Variants in VLDLR observed in about 807,000 individuals in gnomAD.
VLDLR encodes very low density lipoprotein receptor, also known as very low-density lipoprotein receptor.
In VLDLR, 81 loss-of-function variants were observed where a neutral mutation model predicts 112.7. That is an observed-to-expected ratio of 0.72 (90% CI 0.60 to 0.86). The LOEUF is 0.86. Ranked by LOEUF, VLDLR falls within the 40% of genes least tolerant of loss-of-function variation. The pLI is 0.00. For synonymous variants in VLDLR, 436 were observed against 384.8 expected (o/e 1.13, Z -1.56); for missense variants, 1,237 against 1,099.4 (o/e 1.13, Z -1.77).
intron 1 of VLDLR, among the ~76,000 whole-genome samples, chr9:2,623,707 G>A (rs1816946239): frequency 6.6e-6 from 1 of 152,154 alleles, no homozygotes; most frequent in South Asian, 2.1e-4. Flanking sequence ...GGGCAGCATG[G>A]GCAGTGTTAT....
rs1386720772 is a variant in VLDLR at position 2,654,920 on chromosome 9, G to A, written c.*1052G>A. 2.0e-5 allele frequency: 3 copies of A among 152,194 alleles called. No homozygotes were observed. Among genetic ancestry groups the A allele is most frequent in the Non-Finnish European group, 4.4e-5 (3 of 68,066 alleles). 9.4% of individuals were successfully genotyped at this position (152,194 alleles called of 1,614,324 possible). On this transcript the variant is annotated 3_prime_UTR_variant, in exon 19 of 19. Coordinates refer to ENST00000382100, the MANE Select transcript of VLDLR (RefSeq NM_003383.5). ...TCTAGACTGTCTTACTGTGAAGATG[G>A]CCAGGGAGGATAGCAAGCAATGGCA...
intron 9 of VLDLR, 23 bp downstream of exon 9, chr9:2,645,105 G>T (rs1818010517): frequency 6.2e-7 from 1 of 1,613,840 alleles, no homozygotes; most frequent in African/African-American, 1.3e-5. Flanking sequence ...GGACTGGTAT[G>T]GCTGTTGTAC....
chr9:2,645,534 C>T (rs1818029707), intron 9 of VLDLR, 40 bp from the exon 10 acceptor site: 1 of 1,613,778 alleles, frequency 6.2e-7, no homozygotes, highest in Non-Finnish European at 8.5e-7. Context: ...ACCTTGCCTT[C>T]TTAAAGCAAA....
Position 2,635,465 on chromosome 9 carries a change from A to C in VLDLR, c.95A>C (p.Lys32Thr). 6.2e-7 allele frequency: 1 copy of C among 1,614,090 alleles called. No individual in the cohort carries two copies. The highest frequency in any genetic ancestry group is 1.1e-5 in the South Asian group (1 of 91,074). The change falls in exon 2 of 19, where the codon AAA becomes ACA. Residue 32 changes from lysine (K) to threonine (T), a missense_variant. Lys to Thr is a moderately conservative substitution (Grantham distance 78). Coordinates refer to ENST00000382100, the MANE Select transcript of VLDLR (RefSeq NM_003383.5). ...SGATGTGRKA[K>T]CEPSQFQCTN... ...CTTCTTATTCTAGGGAGAAAAGCCA[A>C]ATGTGAACCCTCCCAATTCCAGTGC...
chr9:2,656,483 C>T lies in VLDLR; in HGVS notation c.*2615C>T, dbSNP rs1818612920. 1 of 152,052 alleles carries T rather than the reference C, an allele frequency of 6.6e-6. No homozygotes were observed. Among genetic ancestry groups the T allele is most frequent in the Non-Finnish European group, 1.5e-5 (1 of 68,010 alleles). The allele number at this position is 152,052 out of a possible 1,614,324, so 9.4% of individuals were successfully genotyped here. On this transcript the variant is annotated 3_prime_UTR_variant, in exon 19 of 19. Coordinates refer to ENST00000382100, the MANE Select transcript of VLDLR (RefSeq NM_003383.5). ...AAAAAATAGTTATATGACTAAACTACTAGTCAATACAGCTTGCAATAATAG... is the reference window on the plus strand; with the variant it reads ...AAAAAATAGTTATATGACTAAACTATTAGTCAATACAGCTTGCAATAATAG...
intron 18 of VLDLR, 67 bp from the exon 19 acceptor site, chr9:2,653,766 T>G (rs1818466100): frequency 1.3e-6 from 2 of 1,587,050 alleles, no homozygotes; most frequent in South Asian, 2.2e-5. Context: ...CAAGGTCCAT[T>G]TTAAAGACTA....
At chr9:2,646,954 A>G (rs1271397679) in intron 11 of VLDLR, among the ~76,000 whole-genome samples, 2 of 152,224 alleles carry the variant, frequency 1.3e-5, no homozygotes, top group Admixed American at 6.5e-5. Flanking sequence ...GATTTGGGTA[A>G]CCACATTGCA....
chr9:2,648,933 G>A (rs1021634006), intron 14 of VLDLR, 123 bp downstream of exon 14: 3 of 1,207,694 alleles, frequency 2.5e-6, no homozygotes, highest in African/African-American at 1.5e-5. Flanking sequence ...TTGCCCTCCT[G>A]TACCCTACCT....
At chr9:2,641,642 C>A in intron 4 of VLDLR, 143 bp downstream of exon 4, 1 of 1,255,748 alleles carries the variant, frequency 8.0e-7, no homozygotes, top group Non-Finnish European at 1.1e-6. Context: ...ATTACTTGTC[C>A]TTCATAACTG....
At chr9:2,622,421 C>T (rs1816849398) in intron 1 of VLDLR, 150 bp downstream of exon 1, 1 of 680,474 alleles carries the variant, frequency 1.5e-6, no homozygotes, top group African/African-American at 1.9e-5. Context: ...GTGGTGGCGC[C>T]TCTGAGCTGT....
chr9:2,647,540 T>G lies in VLDLR; in HGVS notation c.1770T>G (p.Asp590Glu), dbSNP rs776231515. 2 of 1,614,176 alleles carry G rather than the reference T, an allele frequency of 1.2e-6. No homozygotes were observed. The highest frequency in any genetic ancestry group is 1.7e-6 in the Non-Finnish European group (2 of 1,180,000). ...KIEKAGMNGF[D>E]RRPLVTADIQ... ...AAAAAGCAGGAATGAATGGATTCGA[T>G]AGACGTCCACTGGTGACAGCGGATA... Residue 590 changes from aspartate to glutamate, a missense_variant, in exon 12 of 19, where the codon GAT (aspartate) becomes GAG (glutamate). Transcript: ENST00000382100.
In VLDLR at chr9:2,653,965, C is replaced by T. The variant is rs759431817; in HGVS notation, c.*97C>T. The T allele has an allele frequency of 4.2e-5, 55 of 1,306,536 alleles. No individual in the cohort carries two copies. Among genetic ancestry groups the T allele is most frequent in the Non-Finnish European group, 5.6e-5 (51 of 903,340 alleles). The allele number at this position is 1,306,536 out of a possible 1,614,324, so 80.9% of individuals were successfully genotyped here. On this transcript the variant is annotated 3_prime_UTR_variant, in exon 19 of 19. Transcript: ENST00000382100. The stretch of plus-strand genomic sequence containing the variant: ...AGCTGAAGTCTCTTTTTCTTCCTCT[C>T]GGCTGGAAGAACATCAAGATACCTT...
At position 2,629,881 on chromosome 9, in the gene VLDLR, C is replaced by A. The variant is rs779676712; in HGVS notation, c.83-5572C>A. ...GCACTATCTCGGCTCACTGCAACTT[C>A]TACCTCCCAGGTTCAAACAATTCTC... is the stretch of plus-strand genomic sequence containing the variant. On this transcript the variant is annotated intron_variant, in intron 1 of 18. Coordinates refer to ENST00000382100, the MANE Select transcript of VLDLR (RefSeq NM_003383.5). Among the ~76,000 whole-genome samples the A allele has an allele frequency of 2.2e-4, 34 of 152,208 alleles. 1 individual carries two copies. The highest frequency in any genetic ancestry group is 4.1e-4 in the Non-Finnish European group (28 of 68,038).
At chr9:2,641,568 ACTAAT>A (rs1817826963) in intron 4 of VLDLR, 69 bp downstream of exon 4, 3 of 1,609,456 alleles carry the variant, frequency 1.9e-6, no homozygotes, top group Non-Finnish European at 2.5e-6. Context: ...GGCAGGGGAA[ACTAAT>A]CTAAGCCTGA....
intron 1 of VLDLR, among the ~76,000 whole-genome samples, chr9:2,633,031 G>GGAGAGAGAGAGAGAGA (rs71329438): frequency 7.2e-6 from 1 of 138,598 alleles, no homozygotes; most frequent in African/African-American, 2.8e-5. Flanking sequence ...ACTCCTTATT[G>GGAGAGAGAGAGAGAGA]GAGAGAGAGA....
intron 3 of VLDLR, among the ~76,000 whole-genome samples, chr9:2,640,182 A>G (rs1043889867): frequency 1.3e-5 from 2 of 152,218 alleles, no homozygotes; most frequent in Non-Finnish European, 2.9e-5. Context: ...AACAAGACTG[A>G]CATTCTCTTG....
In VLDLR at chr9:2,621,984, G is replaced by T; in HGVS notation, c.-206G>T. 1 of 659,454 alleles carries T rather than the reference G, an allele frequency of 1.5e-6. No individual in the cohort carries two copies. Among genetic ancestry groups the T allele is most frequent in the Non-Finnish European group, 2.7e-6 (1 of 367,578 alleles). 40.9% of individuals were successfully genotyped at this position (659,454 alleles called of 1,614,324 possible). ...TGCTGCAGCCCGGGGAGGTGGCTGGGTGGGTGGGGAGGAGACTGTGCAAGT... is the reference window on the plus strand; with the variant it reads ...TGCTGCAGCCCGGGGAGGTGGCTGGTTGGGTGGGGAGGAGACTGTGCAAGT... On this transcript the variant is annotated 5_prime_UTR_variant, in exon 1 of 19. Coordinates refer to ENST00000382100, the MANE Select transcript of VLDLR (RefSeq NM_003383.5).
At chr9:2,637,659 G>A (rs1817650350) in intron 2 of VLDLR, among the ~76,000 whole-genome samples, 1 of 152,170 alleles carries the variant, frequency 6.6e-6, no homozygotes. Flanking sequence ...AAATCATGGA[G>A]GGCCGGGTGC....
At position 2,641,390 on chromosome 9, in the gene VLDLR, C is replaced by T; in HGVS notation, c.339C>T (p.Cys113=). The change falls in exon 4 of 19, where the codon TGC becomes TGT. Residue 113 remains cysteine, a synonymous_variant. Transcript: ENST00000382100. ...TATCATCAACAGATATGAGAACATG[C>T]CGCATACATGAAATCAGCTGTGGCG... ...ESPEQCHMRT[C]RIHEISCGAH... 6.2e-7 allele frequency: 1 copy of T among 1,614,144 alleles called. No homozygotes were observed. Among genetic ancestry groups the T allele is most frequent in the Non-Finnish European group, 8.5e-7 (1 of 1,180,014 alleles).
Sources: allele counts gnomAD v4.1 joint callset (sites outside exome capture counted in the v4.1 genomes callset), GRCh38; gene constraint gnomAD v4.1.1; transcripts MANE v1.5; gene names NCBI Gene and HGNC (gene_info 2026-07-23, HGNC 2026-07-21).